AKAP9: variants seen among roughly 807,000 people sequenced by gnomAD.
The protein encoded by AKAP9 is A-kinase anchor protein 9.
A neutral mutation model predicts 488.5 loss-of-function variants in AKAP9; 311 were observed. That is an observed-to-expected ratio of 0.64 (90% CI 0.58 to 0.70). The LOEUF is 0.70. Ranked by LOEUF, AKAP9 falls within the 30% of genes least tolerant of loss-of-function variation. The pLI is 0.00. For synonymous variants in AKAP9, 1,462 were observed against 1,483.5 expected, an observed-to-expected ratio of 0.99 and a Z score of 0.33; for missense variants, 4,215 against 4,374.5, an observed-to-expected ratio of 0.96 and a Z score of 1.03.
intron 44 of AKAP9, 26 bp downstream of exon 44, chr7:92,099,895 A>G (rs767626490): frequency 6.2e-7 from 1 of 1,608,312 alleles, no homozygotes; most frequent in African/African-American, 1.3e-5. Flanking sequence ...GCATCTCCAT[A>G]TATGAGAATT....
Position 92,073,234 on chromosome 7 carries a change from C to T in AKAP9, c.6612+2225C>T, listed in dbSNP as rs541229994. Among the ~76,000 whole-genome samples the T allele has an allele frequency of 1.8e-4, 28 of 152,046 alleles. No individual in the cohort carries two copies. The South Asian group carries it at 4.2e-3, about 23-fold the overall frequency. On this transcript the variant is annotated intron_variant, in intron 28 of 49. Transcript: ENST00000356239. ...GAAACAGGCCAGGCGTGGTGACTCA[C>T]GCCTGTAATCCCAACACTTTGGGAG...
chr7:92,063,867 G>A (rs1036233125), intron 24 of AKAP9, among the ~76,000 whole-genome samples: 16 of 151,918 alleles, frequency 1.1e-4, no homozygotes, highest in African/African-American at 1.5e-4. Context: ...TGCAACCTCC[G>A]CCTCCTGGGT....
chr7:91,948,793 T>C (rs111734008), intron 1 of AKAP9, among the ~76,000 whole-genome samples: 3 of 152,088 alleles, frequency 2.0e-5, no homozygotes, highest in African/African-American at 7.2e-5. Flanking sequence ...TTTGTATTTT[T>C]AGCAGAGATG....
chr7:92,110,081 G>A (rs1468537153), intron 49 of AKAP9, 41 bp from the exon 50 acceptor site: 3 of 1,495,114 alleles, frequency 2.0e-6, no homozygotes, highest in Non-Finnish European at 2.8e-6. Context: ...AGGTAGCAAT[G>A]TAATTTGAAA....
chr7:91,975,921 GTT>G (rs1186917564), intron 2 of AKAP9, among the ~76,000 whole-genome samples: 3 of 111,696 alleles, frequency 2.7e-5, no homozygotes, highest in Admixed American at 2.6e-4. Context: ...TTGTTTGTTT[GTT>G]TGTTTTTTTT....
chr7:92,033,256 A>G (rs759440805), intron 16 of AKAP9, among the ~76,000 whole-genome samples: 60 of 152,114 alleles, frequency 3.9e-4, no homozygotes, highest in Non-Finnish European at 7.4e-4. Context: ...ATTTAAAAAA[A>G]AAAGACTCTT....
intron 3 of AKAP9, among the ~76,000 whole-genome samples, chr7:91,984,512 A>G (rs1194755143): frequency 1.3e-5 from 2 of 152,168 alleles, no homozygotes; most frequent in African/African-American, 4.8e-5. Context: ...TACCAGTATC[A>G]TGCTGTTTTG....
chr7:92,075,480 T>A (rs1812432546), intron 28 of AKAP9, among the ~76,000 whole-genome samples: 1 of 152,204 alleles, frequency 6.6e-6, no homozygotes, highest in South Asian at 2.1e-4. Context: ...TAATAACCAG[T>A]GTTACAGAAA....
chr7:91,986,658 C>T (rs1489353414), intron 3 of AKAP9, among the ~76,000 whole-genome samples: 1 of 152,056 alleles, frequency 6.6e-6, no homozygotes, highest in East Asian at 1.9e-4. Flanking sequence ...TATAATAAGA[C>T]AGTCTTCAGC....
At chr7:92,104,606 T>C (rs578052440) in intron 46 of AKAP9, among the ~76,000 whole-genome samples, 1 of 152,230 alleles carries the variant, frequency 6.6e-6, no homozygotes, top group East Asian at 1.9e-4. Flanking sequence ...ACAAAGCCAG[T>C]AGTGATAGAG....
At chr7:91,943,620 A>G (rs1450400238) in intron 1 of AKAP9, among the ~76,000 whole-genome samples, 1 of 152,226 alleles carries the variant, frequency 6.6e-6, no homozygotes, top group African/African-American at 2.4e-5. Context: ...AAATACTACT[A>G]TGTCATTTTA....
At position 92,040,907 on chromosome 7, in the gene AKAP9, C is replaced by A; in HGVS notation, c.4917+9C>A. ...ATAGACAATTAGCCCAGGTAAGGGT[C>A]TTGTAGTCCCCTTTCTCTCCCCAGT... On this transcript the variant is annotated intron_variant, in intron 18 of 49. Coordinates refer to ENST00000356239, the MANE Select transcript of AKAP9 (RefSeq NM_005751.5). The A allele has an allele frequency of 1.9e-6, 3 of 1,596,828 alleles. No homozygotes were observed. The highest frequency in any genetic ancestry group is 2.6e-6 in the Non-Finnish European group (3 of 1,168,840).
intron 10 of AKAP9, 29 bp from the exon 11 acceptor site, chr7:92,016,100 C>T (rs1317426751): frequency 1.3e-6 from 2 of 1,573,732 alleles, no homozygotes; most frequent in Non-Finnish European, 1.7e-6. Flanking sequence ...ATTTAAATTC[C>T]TTAAAATACA....
chr7:92,068,597 T>A (rs1457091849), intron 26 of AKAP9, among the ~76,000 whole-genome samples: 1 of 151,888 alleles, frequency 6.6e-6, no homozygotes, highest in Admixed American at 6.6e-5. Context: ...TGTGCATGTT[T>A]GATTTTTTTT....
chr7:91,994,841 C>T, intron 6 of AKAP9, 65 bp downstream of exon 6: 1 of 1,474,132 alleles, frequency 6.8e-7, no homozygotes. Context: ...AATTCACTTT[C>T]AAGAACAAAT....
At chr7:92,091,210 G>T (rs1449885037) in intron 38 of AKAP9, among the ~76,000 whole-genome samples, 1 of 152,160 alleles carries the variant, frequency 6.6e-6, no homozygotes, top group African/African-American at 2.4e-5. Context: ...TGTGTGTTCA[G>T]TAATTTTGTG....
intron 16 of AKAP9, among the ~76,000 whole-genome samples, chr7:92,033,611 AT>A (rs900969853): frequency 2.0e-5 from 3 of 151,836 alleles, no homozygotes; most frequent in East Asian, 3.9e-4. Context: ...ACCCCAGCTA[AT>A]TTTTTTGTAG....
chr7:92,013,259 G>A (rs1801033215), intron 9 of AKAP9, among the ~76,000 whole-genome samples: 1 of 151,804 alleles, frequency 6.6e-6, no homozygotes. Context: ...CCAAAGTGCT[G>A]GGATTACAGG....
chr7:92,014,457 G>C, intron 10 of AKAP9, 129 bp downstream of exon 10: 1 of 689,390 alleles, frequency 1.5e-6, no homozygotes, highest in South Asian at 1.5e-5. Context: ...GTGAAACCCC[G>C]TCTCTACCAA....
Sources: gnomAD v4.1 joint callset for allele counts (sites outside exome capture counted in the v4.1 genomes callset) on GRCh38, gnomAD v4.1.1 for gene constraint, MANE v1.5 for transcripts, NCBI Gene and HGNC (gene_info 2026-07-23, HGNC 2026-07-21) for gene names.